Variants in CCT5 observed in about 807,000 individuals in gnomAD.
CCT5 encodes T-complex protein 1 subunit epsilon.
A neutral mutation model predicts 55.0 loss-of-function variants in CCT5; 6 were observed. The observed-to-expected ratio is 0.11, with a 90% CI of 0.06 to 0.22. The LOEUF is 0.22. CCT5 is among the 10% of genes least tolerant of loss of function. CCT5 has a pLI of 1.00. For synonymous variants in CCT5, 231 were observed against 243.7 expected (o/e 0.95, Z 0.49); for missense variants, 560 against 694.6 (o/e 0.81, Z 2.18).
chr5:10,250,700 A>T (rs1489106630), intron 1 of CCT5: 10 of 1,330,676 alleles, frequency 7.5e-6, no homozygotes, highest in Non-Finnish European at 9.6e-6. Context: ...GGGGCCGCTC[A>T]GTCCGGTCGC....
Position 10,266,326 on chromosome 5 carries a change from T to TA in CCT5, c.*1544dup, listed in dbSNP as rs1746233300. 1 of 152,200 alleles carries TA rather than the reference T, an allele frequency of 6.6e-6. No homozygotes were observed. Among genetic ancestry groups the TA allele is most frequent in the Non-Finnish European group, 1.5e-5 (1 of 68,034 alleles). The allele number at this position is 152,200 out of a possible 1,614,324, so 9.4% of individuals were successfully genotyped here. Reference sequence around the variant, plus strand: ...AAACTGGTCAATGAACAGGAAGACTTAGAGATGTTTCACAAGCCTTTGATT... The same window carrying TA: ...AAACTGGTCAATGAACAGGAAGACTTAAGAGATGTTTCACAAGCCTTTGATT... On this transcript the variant is annotated 3_prime_UTR_variant, in exon 11 of 11. Coordinates refer to ENST00000280326, the MANE Select transcript of CCT5 (RefSeq NM_012073.5).
intron 7 of CCT5, 98 bp downstream of exon 7, chr5:10,261,009 C>G: frequency 7.9e-7 from 1 of 1,267,722 alleles, no homozygotes; most frequent in Non-Finnish European, 1.2e-6. Context: ...TGCATCACAC[C>G]AAGGCTGGCA....
chr5:10,255,467 T>C (rs1315387988), intron 3 of CCT5, among the ~76,000 whole-genome samples: 1 of 152,090 alleles, frequency 6.6e-6, no homozygotes, highest in Non-Finnish European at 1.5e-5. Context: ...ATTCAACAAA[T>C]ATTTATTGGA....
In CCT5 at chr5:10,262,609, G is replaced by A. The variant is rs772175136; in HGVS notation, c.1308G>A (p.Glu436=). The A allele has an allele frequency of 1.2e-6, 2 of 1,614,258 alleles. No homozygotes were observed. Among genetic ancestry groups the A allele is most frequent in the African/African-American group, 2.7e-5 (2 of 75,072 alleles). Residue 436 remains glutamate, a synonymous_variant, in exon 9 of 11, where the codon GAG becomes GAA. Coordinates refer to ENST00000280326, the MANE Select transcript of CCT5 (RefSeq NM_012073.5). ...EISCALAVSQ[E]ADKCPTLEQY... is the part of the protein sequence containing the mutation. The stretch of plus-strand genomic sequence containing the variant: ...CCTGTGCCCTGGCAGTTAGCCAAGA[G>A]GCGGATAAGGTAAGGGATCTGTGCA...
Position 10,263,305 on chromosome 5 carries a change from G to A in CCT5, c.1489G>A (p.Gly497Arg). The A allele has an allele frequency of 7.4e-6, 12 of 1,613,002 alleles. No individual in the cohort carries two copies. The highest frequency in any genetic ancestry group is 1.0e-5 in the Non-Finnish European group (12 of 1,179,774). ...TCTTGGCATCGACTGTTTGCACAAG[G>A]GGACAAATGGTGAGGAGCTGTCACG... ...PALGIDCLHK[G>R]TNDMKQQHVI... The change falls in exon 10 of 11, where the codon GGG becomes AGG. Residue 497 changes from glycine (G) to arginine (R), a missense_variant. Gly to Arg is a moderately radical substitution (Grantham distance 125, BLOSUM62 -2). Around this residue, in one of 4 missense-constraint regions of CCT5, gnomAD observed 115 missense variants for 105.0 expected, o/e 1.10. Transcript: ENST00000280326.
rs776587777 is a variant in CCT5 at position 10,261,657 on chromosome 5, T to C, written c.1091T>C (p.Phe364Ser). The change falls in exon 8 of 11, where the codon TTT becomes TCT. Residue 364 changes from phenylalanine (F) to serine (S), a missense_variant. Physicochemically the swap from Phe to Ser is radical, Grantham distance 155. This residue lies in a region of CCT5 where 256 missense variants were observed against 372.4 expected (regional missense o/e 0.69). Coordinates refer to ENST00000280326, the MANE Select transcript of CCT5 (RefSeq NM_012073.5). Reference protein sequence around the residue: ...GFAGLVQEISFGTTKDKMLVI... With the variant: ...GFAGLVQEISSGTTKDKMLVI... ...GCTGGTCTTGTACAGGAGATCTCAT[T>C]TGGGACAACTAAGGATAAAATGCTG... 8 of 1,614,126 alleles carry C rather than the reference T, an allele frequency of 5.0e-6. No homozygotes were observed. Among genetic ancestry groups the C allele is most frequent in the African/African-American group, 4.0e-5 (3 of 75,024 alleles).
intron 3 of CCT5, among the ~76,000 whole-genome samples, chr5:10,255,703 A>T (rs1171224116): frequency 6.6e-6 from 1 of 152,196 alleles, no homozygotes; most frequent in Non-Finnish European, 1.5e-5. Context: ...TTTACATTAT[A>T]TTCTTTAGTT....
chr5:10,263,941 T>C (rs1322174630), intron 10 of CCT5, among the ~76,000 whole-genome samples: 2 of 152,200 alleles, frequency 1.3e-5, no homozygotes, highest in Non-Finnish European at 2.9e-5. Context: ...GGCAAACATT[T>C]AATGTTTCTA....
In CCT5 at chr5:10,263,126, C is replaced by T. The variant is rs927002228; in HGVS notation, c.1318-8C>T. 5 of 1,613,854 alleles carry T rather than the reference C, an allele frequency of 3.1e-6. No homozygotes were observed. The highest frequency in any genetic ancestry group is 1.1e-5 in the South Asian group (1 of 91,072). On this transcript the variant is annotated splice_polypyrimidine_tract_variant and splice_region_variant and intron_variant, in intron 9 of 10. Coordinates refer to ENST00000280326, the MANE Select transcript of CCT5 (RefSeq NM_012073.5). Reference sequence around the variant, plus strand: ...AAGTGCACTCACCATACTTCTGTACCTTTCCAGTGCCCCACCTTAGAACAG... The same window carrying T: ...AAGTGCACTCACCATACTTCTGTACTTTTCCAGTGCCCCACCTTAGAACAG...
At position 10,263,303 on chromosome 5, in the gene CCT5, A is replaced by G; in HGVS notation, c.1487A>G (p.Lys496Arg). 6.2e-7 allele frequency: 1 copy of G among 1,606,936 alleles called. No individual in the cohort carries two copies. Among genetic ancestry groups the G allele is most frequent in the Non-Finnish European group, 8.5e-7 (1 of 1,177,124 alleles). The change falls in exon 10 of 11, where the codon AAG becomes AGG. Residue 496 changes from lysine (K) to arginine (R), a missense_variant. Physicochemically the swap from Lys to Arg is conservative, Grantham distance 26. Around this residue, in one of 4 missense-constraint regions of CCT5, gnomAD observed 115 missense variants for 105.0 expected, o/e 1.10. Transcript: ENST00000280326. ...GCTCTTGGCATCGACTGTTTGCACA[A>G]GGGGACAAATGGTGAGGAGCTGTCA... ...NPALGIDCLH[K>R]GTNDMKQQHV...
rs372629115 is a variant in CCT5, at chr5:10,258,295, A to G, written c.715A>G (p.Met239Val). 6.2e-7 allele frequency: 1 copy of G among 1,614,126 alleles called. No homozygotes were observed. Among genetic ancestry groups the G allele is most frequent in the African/African-American group, 1.3e-5 (1 of 74,942 alleles). ...IVDKDFSHPQ[M>V]PKKVEDAKIA... is the part of the protein sequence containing the mutation. ...GGACAAGGATTTCAGTCACCCACAG[A>G]TGCCAAAAGTGAGCCATTGCATCTC... The change falls in exon 5 of 11, where the codon ATG (methionine) becomes GTG (valine). Residue 239 changes from methionine (M) to valine (V), a missense_variant. By Grantham distance (21) the Met-to-Val change is conservative (BLOSUM62 1). Coordinates refer to ENST00000280326, the MANE Select transcript of CCT5 (RefSeq NM_012073.5).
chr5:10,256,103 G>A lies in CCT5; in HGVS notation c.480G>A (p.Lys160=), dbSNP rs781594471. The stretch of plus-strand genomic sequence containing the variant: ...GCGATAGCGTCCTTGTTGACATAAA[G>A]GACACCGAACCCCTGATTCAGACAG... ...KISDSVLVDI[K]DTEPLIQTAK... is the part of the protein sequence containing the mutation. The change falls in exon 4 of 11, where the codon AAG becomes AAA. Residue 160 remains lysine, a synonymous_variant. Transcript: ENST00000280326. 30 of 1,613,796 alleles carry A rather than the reference G, an allele frequency of 1.9e-5. No homozygotes were observed. The East Asian group carries it at 6.7e-4, about 36-fold the overall frequency.
At chr5:10,263,373 A>C in intron 10 of CCT5, 59 bp downstream of exon 10, 3 of 1,457,494 alleles carry the variant, frequency 2.1e-6, no homozygotes, top group Non-Finnish European at 2.9e-6. Flanking sequence ...AAACTGAATA[A>C]TCATCCACTG....
intron 3 of CCT5, 22 bp downstream of exon 3, chr5:10,254,860 T>A (rs1292600260): frequency 1.2e-6 from 2 of 1,606,600 alleles, no homozygotes; most frequent in Middle Eastern, 1.7e-4. Flanking sequence ...CAAAACATCC[T>A]TTCTCATTTA....
intron 4 of CCT5, among the ~76,000 whole-genome samples, chr5:10,256,568 C>T (rs1745692270): frequency 6.6e-6 from 1 of 151,998 alleles, no homozygotes; most frequent in Admixed American, 6.6e-5. Context: ...AAAAAACTAG[C>T]CAGGCATGGT....
intron 6 of CCT5, among the ~76,000 whole-genome samples, chr5:10,259,928 G>A (rs987050332): frequency 4.1e-4 from 63 of 152,198 alleles, no homozygotes; most frequent in Non-Finnish European, 7.3e-4. Context: ...GACCCAAAGA[G>A]GAACACTGCA....
intron 10 of CCT5, among the ~76,000 whole-genome samples, chr5:10,263,930 A>G (rs1732098058): frequency 1.3e-5 from 2 of 152,180 alleles, no homozygotes; most frequent in Non-Finnish European, 2.9e-5. Flanking sequence ...ACTCTTTGTG[A>G]GGCAAACATT....
Position 10,250,436 on chromosome 5 carries a change from G to A in CCT5, c.96G>A (p.Glu32=), listed in dbSNP as rs1359521662. 6.2e-7 allele frequency: 1 copy of A among 1,613,438 alleles called. No individual in the cohort carries two copies. Residue 32 remains glutamate (E), a synonymous_variant, in exon 1 of 11, where the codon GAG becomes GAA. Transcript: ENST00000280326. ...GCAAGTCCCGTCTTATGGGACTTGA[G>A]GCCCTCAAGGTAATGGCACAGGGAC... ...QDRKSRLMGL[E]ALKSHIMAAK... is the part of the protein sequence containing the mutation.
intron 1 of CCT5, among the ~76,000 whole-genome samples, chr5:10,253,295 C>T (rs1745520224): frequency 6.7e-6 from 1 of 150,216 alleles, no homozygotes; most frequent in Non-Finnish European, 1.5e-5. Context: ...TGCCACTGCA[C>T]TCCAGCCTTT....
Sources: gnomAD v4.1 joint callset for allele counts (sites outside exome capture counted in the v4.1 genomes callset) on GRCh38, gnomAD v4.1.1 for gene constraint, gnomAD v4.1.1 regional missense constraint, MANE v1.5 for transcripts, NCBI Gene and HGNC (gene_info 2026-07-23, HGNC 2026-07-21) for gene names.